Variants in BRSK2 observed in about 807,000 individuals in gnomAD.
The protein encoded by BRSK2 is serine/threonine-protein kinase BRSK2.
A neutral mutation model predicts 83.3 loss-of-function variants in BRSK2; 19 were observed. The observed-to-expected ratio is 0.23, with a 90% confidence interval of 0.16 to 0.33. The LOEUF is 0.33. BRSK2 is among the 10% of genes least tolerant of loss of function. The pLI is 1.00. For synonymous variants in BRSK2, 519 were observed against 435.4 expected, an observed-to-expected ratio of 1.19 and a Z score of -2.39; for missense variants, 798 against 1,042.3, an observed-to-expected ratio of 0.77 and a Z score of 3.23.
intron 1 of BRSK2, among the ~76,000 whole-genome samples, chr11:1,399,076 C>T (rs1215896567): frequency 6.6e-6 from 1 of 152,194 alleles, no homozygotes; most frequent in African/African-American, 2.4e-5. Flanking sequence ...CACACGGGCA[C>T]CTCCAGCCAG....
intron 8 of BRSK2, 69 bp from the exon 9 acceptor site, chr11:1,444,902 C>T (rs1851809299): frequency 1.3e-6 from 2 of 1,488,334 alleles, no homozygotes. Context: ...CTGCCTTCCC[C>T]CTCACCTCCT....
intron 1 of BRSK2, among the ~76,000 whole-genome samples, chr11:1,392,564 T>A (rs984418083): frequency 4.6e-5 from 7 of 152,132 alleles, no homozygotes; most frequent in African/African-American, 1.7e-4. Context: ...AGCCTTGTGG[T>A]GCCACGAGAG....
rs781698167 is a variant in BRSK2, at chr11:1,449,776, G to A, written c.1227G>A (p.Arg409=). The change falls in exon 13 of 20, where the codon AGG becomes AGA. Residue 409 remains arginine, a splice_region_variant and synonymous_variant. Transcript: ENST00000528841. ...TGGCCCTGTACCTTGTGACCTCCAG[G>A]TCTCGGTCCATCAGCGGTGCCTCCT... The part of the protein sequence containing the change: ...RAIEMAQHGQ[R]SRSISGASSG... The A allele has an allele frequency of 4.3e-6, 7 of 1,612,090 alleles. 1 individual carries two copies. Among genetic ancestry groups the A allele is most frequent in the Non-Finnish European group, 5.9e-6 (7 of 1,179,450 alleles).
chr11:1,396,285 TCCTGGTCC>T (rs1846104911), intron 1 of BRSK2, among the ~76,000 whole-genome samples: 2 of 149,758 alleles, frequency 1.3e-5, no homozygotes, highest in Non-Finnish European at 3.0e-5. Flanking sequence ...CGTCCCCCAC[TCCTGGTCC>T]CTCTTCCCTT....
intron 1 of BRSK2, among the ~76,000 whole-genome samples, chr11:1,405,205 A>T (rs1049227888): frequency 6.6e-6 from 1 of 151,894 alleles, no homozygotes; most frequent in African/African-American, 2.4e-5. Context: ...GGGAATGTGG[A>T]CACTGCCCTC....
intron 13 of BRSK2, among the ~76,000 whole-genome samples, chr11:1,450,133 T>C (rs926155121): frequency 1.4e-5 from 2 of 147,864 alleles, no homozygotes; most frequent in African/African-American, 5.3e-5. Flanking sequence ...TTCTTTCTGG[T>C]CCTCCTGTGC....
chr11:1,440,470 G>A lies in BRSK2; in HGVS notation c.273-318G>A, dbSNP rs574380622. Among the ~76,000 whole-genome samples the A allele has an allele frequency of 2.3e-4, 35 of 152,204 alleles. 1 individual carries two copies. Among genetic ancestry groups the A allele is most frequent in the African/African-American group, 7.5e-4 (31 of 41,516 alleles). On this transcript the variant is annotated intron_variant, in intron 3 of 19. Coordinates refer to ENST00000528841, the MANE Select transcript of BRSK2 (RefSeq NM_001256627.2). ...GCACCGAGCCTTGGCCCCAGCACCC[G>A]CCACACTCAGCCTGTGGGTTCCAAA...
At position 1,450,808 on chromosome 11, in the gene BRSK2, C is replaced by G; in HGVS notation, c.1495+14C>G. On this transcript the variant is annotated intron_variant, in intron 14 of 19. Transcript: ENST00000528841. Reference sequence around the variant, plus strand: ...GGAAACTGCAAGGTGAGTGTCTGCCCGGAGGCGCCAGAGTGGGGCTGGGAG... The same window carrying G: ...GGAAACTGCAAGGTGAGTGTCTGCCGGGAGGCGCCAGAGTGGGGCTGGGAG... The G allele has an allele frequency of 6.3e-7, 1 of 1,583,290 alleles. No individual in the cohort carries two copies. Among genetic ancestry groups the G allele is most frequent in the Non-Finnish European group, 8.6e-7 (1 of 1,168,856 alleles).
Position 1,434,942 on chromosome 11 carries a change from T to G in BRSK2, c.92-1098T>G, listed in dbSNP as rs568384189. Among the ~76,000 whole-genome samples the G allele has an allele frequency of 3.3e-5, 5 of 151,192 alleles. No homozygotes were observed. In the South Asian group the frequency reaches 1.0e-3, roughly 32 times the overall value. The stretch of plus-strand genomic sequence containing the variant: ...GCTCAGGGGTGTGGCCGGGCTGTCC[T>G]GGGCAGGGGCAAGTATCTGGCTGTG... On this transcript the variant is annotated intron_variant, in intron 1 of 19. Transcript: ENST00000528841.
intron 1 of BRSK2, among the ~76,000 whole-genome samples, chr11:1,418,941 C>G (rs1464085177): frequency 1.3e-5 from 2 of 152,210 alleles, no homozygotes; most frequent in Non-Finnish European, 2.9e-5. Context: ...TCTGTAGTGC[C>G]ATAAGTGCCT....
rs747429345 is a variant in BRSK2, at chr11:1,456,495, G to A, written c.1816G>A (p.Gly606Ser). Residue 606 changes from glycine (G) to serine (S), a missense_variant, in exon 17 of 20, where the codon GGC becomes AGC. Around this residue, in one of 6 missense-constraint regions of BRSK2, gnomAD observed 455 missense variants for 455.2 expected, o/e 1.00. Transcript: ENST00000528841. ...GGGTGGGGAGGCGCAGAAGGAGAAC[G>A]GCATCTACTCCGTCACCTTCACCCT... ...TEGGEAQKEN[G>S]IYSVTFTLLS... The A allele has an allele frequency of 5.7e-6, 9 of 1,575,812 alleles. No homozygotes were observed. Among genetic ancestry groups the A allele is most frequent in the South Asian group, 2.3e-5 (2 of 85,678 alleles).
Position 1,450,739 on chromosome 11 carries a change from C to A in BRSK2, c.1440C>A (p.Asn480Lys), listed in dbSNP as rs1184753615. ...VGGVPWRARL[N>K]SIKNSFLGSP... ...GGGTGCCCTGGAGGGCGCGGCTCAA[C>A]TCCATCAAGAACAGCTTTCTGGGCT... Residue 480 changes from asparagine to lysine, a missense_variant, in exon 14 of 20, where the codon AAC becomes AAA. This residue lies in a region of BRSK2 where 455 missense variants were observed against 455.2 expected (regional missense o/e 1.00). Coordinates refer to ENST00000528841, the MANE Select transcript of BRSK2 (RefSeq NM_001256627.2). 5.0e-6 allele frequency: 8 copies of A among 1,600,512 alleles called. No individual in the cohort carries two copies. Among genetic ancestry groups the A allele is most frequent in the African/African-American group, 1.3e-5 (1 of 74,262 alleles).
At chr11:1,443,313 G>A in intron 6 of BRSK2, 22 bp from the exon 7 acceptor site, 1 of 1,598,160 alleles carries the variant, frequency 6.3e-7, no homozygotes, top group Non-Finnish European at 8.5e-7. Flanking sequence ...CCCCCCAACA[G>A]CCCGGGCACT....
Position 1,396,247 on chromosome 11 carries a change from A to G in BRSK2, c.91+5872A>G, listed in dbSNP as rs11025204. The stretch of plus-strand genomic sequence containing the variant: ...CTCTTCCCTTCCACCCACGTCCCCC[A>G]CTCCTGGTCCCTCTTCCCTTCCACC... On this transcript the variant is annotated intron_variant, in intron 1 of 19. Coordinates refer to ENST00000528841, the MANE Select transcript of BRSK2 (RefSeq NM_001256627.2). 3.9e-3 allele frequency among the ~76,000 whole-genome samples: 379 copies of G among 98,426 alleles called. 5 individuals carry two copies. Among genetic ancestry groups the G allele is most frequent in the African/African-American group, 6.7e-3 (130 of 19,366 alleles). The allele number at this position is 98,426 out of a possible 152,430, so 64.6% of individuals were successfully genotyped here. A position where few individuals can be genotyped will look rare whatever the true frequency, so the allele number is the denominator to read the frequency against.
intron 2 of BRSK2, among the ~76,000 whole-genome samples, chr11:1,437,006 G>A (rs1477161940): frequency 6.6e-6 from 1 of 151,288 alleles, no homozygotes; most frequent in Admixed American, 6.6e-5. Context: ...GGAGGTGGGG[G>A]TGGGGTTAAG....
Position 1,454,249 on chromosome 11 carries a change from C to T in BRSK2, c.1545-236C>T, listed in dbSNP as rs115311207. On this transcript the variant is annotated intron_variant, in intron 15 of 19. Transcript: ENST00000528841. This position sits in a 1 kb window ranked among gnomAD's most constrained non-coding sequence, Gnocchi z 5.2. ...ATGGGCCAGGGTCAGGGCGTTAGGG[C>T]TTGGAGAAAGGTTAGGGTTGGGGTT... 2.3e-3 allele frequency: 1,032 copies of T among 452,420 alleles called. 13 individuals carry two copies. The highest frequency in any genetic ancestry group is 0.019 in the African/African-American group (911 of 48,544). The allele number at this position is 452,420 out of a possible 1,614,324, so 28.0% of individuals were successfully genotyped here. A position where few individuals can be genotyped will look rare whatever the true frequency, so the allele number is the denominator to read the frequency against.
At chr11:1,450,075 C>T (rs965854486) in intron 13 of BRSK2, among the ~76,000 whole-genome samples, 7 of 152,100 alleles carry the variant, frequency 4.6e-5, no homozygotes, top group Admixed American at 6.5e-5. Flanking sequence ...TGTGGCTAAT[C>T]CTCCTGCCCA....
intron 1 of BRSK2, among the ~76,000 whole-genome samples, chr11:1,392,931 C>T (rs1005712659): frequency 9.9e-5 from 15 of 152,132 alleles, no homozygotes; most frequent in African/African-American, 3.6e-4. Context: ...CGGTGCCAGG[C>T]ACCAGGTGAA....
In BRSK2 at chr11:1,460,505, C is replaced by A. The variant is rs1195656978; in HGVS notation, c.1993C>A (p.Pro665Thr). ...MTGRLSKCGS[P>T]LSNFFDVIKQ... ...TCTCTGTTCTGTGTACCCAGGCAGC[C>A]CATTGAGTAACTTCTTTGACGTAAT... is the stretch of plus-strand genomic sequence containing the variant. Residue 665 changes from proline (P) to threonine (T), a missense_variant, in exon 20 of 20, where the codon CCA (proline) becomes ACA (threonine). Pro to Thr is a conservative substitution (Grantham distance 38). Around this residue, in one of 6 missense-constraint regions of BRSK2, gnomAD observed 455 missense variants for 455.2 expected, o/e 1.00. Transcript: ENST00000528841. The A allele has an allele frequency of 1.4e-6, 2 of 1,445,902 alleles. No homozygotes were observed. The highest frequency in any genetic ancestry group is 5.5e-5 in the East Asian group (2 of 36,322). 89.6% of individuals were successfully genotyped at this position (1,445,902 alleles called of 1,614,324 possible).
Sources: allele counts gnomAD v4.1 joint callset (sites outside exome capture counted in the v4.1 genomes callset), GRCh38; gene constraint gnomAD v4.1.1; regional missense constraint gnomAD v4.1.1; non-coding constraint Gnocchi (gnomAD v3.1); transcripts MANE v1.5; gene names NCBI Gene and HGNC (gene_info 2026-07-23, HGNC 2026-07-21).